ZCCHC14: variants seen among roughly 807,000 people sequenced by gnomAD.
ZCCHC14 encodes zinc finger CCHC domain-containing protein 14.
ZCCHC14 carries 16 observed loss-of-function variants against 85.0 expected under a neutral mutation model. The ratio of observed to expected loss-of-function variants is 0.19; its 90% CI spans 0.13 to 0.29. The LOEUF is 0.29. ZCCHC14 is among the 10% of genes least tolerant of loss of function. ZCCHC14 has a pLI of 1.00. For synonymous variants in ZCCHC14, 775 were observed against 630.7 expected, an observed-to-expected ratio of 1.23 and a Z score of -3.43; for missense variants, 1,303 against 1,443.5, an observed-to-expected ratio of 0.90 and a Z score of 1.58.
At chr16:87,441,390 G>A (rs537145562) in intron 2 of ZCCHC14, among the ~76,000 whole-genome samples, 6 of 152,292 alleles carry the variant, frequency 3.9e-5, no homozygotes, top group African/African-American at 1.4e-4. Flanking sequence ...CTTGGGGTCA[G>A]AAGAAGTATT....
intron 2 of ZCCHC14, among the ~76,000 whole-genome samples, chr16:87,441,771 AC>A (rs1387953063): frequency 6.6e-6 from 1 of 152,190 alleles, no homozygotes; most frequent in East Asian, 1.9e-4. Flanking sequence ...CTTTCCTCTT[AC>A]TTTTTTGGGG....
chr16:87,463,761 T>A (rs939919159), intron 1 of ZCCHC14, among the ~76,000 whole-genome samples: 1 of 152,026 alleles, frequency 6.6e-6, no homozygotes, highest in African/African-American at 2.4e-5. Context: ...AGGTGGAGGT[T>A]GCAGTGAGCT....
At chr16:87,411,313 G>T in intron 12 of ZCCHC14, 1 of 1,450,304 alleles carries the variant, frequency 6.9e-7, no homozygotes, top group Non-Finnish European at 9.2e-7. Flanking sequence ...GAGGCTGTCT[G>T]AAATCATCAT....
intron 3 of ZCCHC14, 73 bp downstream of exon 3, chr16:87,433,055 G>T (rs914924323): frequency 1.3e-6 from 2 of 1,498,680 alleles, no homozygotes; most frequent in African/African-American, 2.8e-5. Flanking sequence ...AGCTAGGAAG[G>T]AAAAGCATCT....
At chr16:87,489,018 C>G (rs1305813723) in intron 1 of ZCCHC14, among the ~76,000 whole-genome samples, 4 of 152,180 alleles carry the variant, frequency 2.6e-5, no homozygotes, top group Non-Finnish European at 5.9e-5. Flanking sequence ...ACAGCTTTAA[C>G]GGGGCTGCTT....
chr16:87,418,423 G>A (rs1057119538), intron 7 of ZCCHC14, among the ~76,000 whole-genome samples: 2 of 152,168 alleles, frequency 1.3e-5, no homozygotes, highest in East Asian at 1.9e-4. Context: ...ATGGGGGTGC[G>A]TGTGCACTGA....
chr16:87,466,664 G>C lies in ZCCHC14; in HGVS notation c.571-6533C>G, dbSNP rs73242708. Among the ~76,000 whole-genome samples, 1,339 of 152,342 alleles carry C rather than the reference G, an allele frequency of 8.8e-3. 21 individuals are homozygous for C. The highest frequency in any genetic ancestry group is 0.03 in the African/African-American group (1,240 of 41,560). Reference sequence around the variant, plus strand: ...CTCACTTCACAGGAGCGCTGAGCATGAAGGAGACTTGAAGACGCTTTCTAC... The same window carrying C: ...CTCACTTCACAGGAGCGCTGAGCATCAAGGAGACTTGAAGACGCTTTCTAC... On this transcript the variant is annotated intron_variant, in intron 1 of 12. Coordinates refer to ENST00000671377, the MANE Select transcript of ZCCHC14 (RefSeq NM_015144.3).
intron 2 of ZCCHC14, among the ~76,000 whole-genome samples, chr16:87,454,061 C>G (rs974138894): frequency 1.3e-5 from 2 of 151,986 alleles, no homozygotes; most frequent in African/African-American, 2.4e-5. Context: ...CTGAAAATGA[C>G]AGAAGGGTAC....
intron 8 of ZCCHC14, 55 bp downstream of exon 8, chr16:87,417,405 G>A: frequency 3.2e-6 from 5 of 1,585,660 alleles, no homozygotes; most frequent in Non-Finnish European, 4.3e-6. Context: ...CCCCCAGGGA[G>A]GTCTTGAGTA....
intron 1 of ZCCHC14, among the ~76,000 whole-genome samples, chr16:87,480,814 T>C (rs1291999061): frequency 2.6e-5 from 4 of 152,218 alleles, no homozygotes; most frequent in Non-Finnish European, 5.9e-5. Flanking sequence ...CTGGTATCTA[T>C]GAACCAATAA....
chr16:87,456,278 C>T (rs2150755311), intron 2 of ZCCHC14, among the ~76,000 whole-genome samples: 1 of 152,166 alleles, frequency 6.6e-6, no homozygotes, highest in South Asian at 2.1e-4. Context: ...CGCCTGTAAT[C>T]CCAGCACTTT....
chr16:87,475,350 G>A (rs966591287), intron 1 of ZCCHC14, among the ~76,000 whole-genome samples: 1 of 152,084 alleles, frequency 6.6e-6, no homozygotes, highest in African/African-American at 2.4e-5. Flanking sequence ...TCAGAAGTTC[G>A]AGACTAGCCT....
chr16:87,433,758 C>T (rs2150738693), intron 2 of ZCCHC14, among the ~76,000 whole-genome samples: 1 of 152,174 alleles, frequency 6.6e-6, no homozygotes, highest in African/African-American at 2.4e-5. Context: ...TCTCGTGCCT[C>T]GGCCTCCCCA....
At chr16:87,431,425 ATCGCG>A (rs1463229224) in intron 3 of ZCCHC14, among the ~76,000 whole-genome samples, 15 of 148,428 alleles carry the variant, frequency 1.0e-4, no homozygotes, top group Non-Finnish European at 1.8e-4. Context: ...GTGAGCCGAG[ATCGCG>A]TCACTGCACT....
intron 2 of ZCCHC14, among the ~76,000 whole-genome samples, chr16:87,454,654 G>T (rs1280079170): frequency 1.3e-5 from 2 of 152,186 alleles, no homozygotes; most frequent in African/African-American, 4.8e-5. Flanking sequence ...GAGACCAGAT[G>T]GAAATTCCAA....
chr16:87,421,774 C>G (rs1909109920), intron 4 of ZCCHC14, among the ~76,000 whole-genome samples: 1 of 152,166 alleles, frequency 6.6e-6, no homozygotes, highest in Non-Finnish European at 1.5e-5. Context: ...CAAGAGAGCC[C>G]AGTGCCAGCT....
rs958816194 is a variant in ZCCHC14, at chr16:87,492,290, G to C, written c.-52C>G. 2.1e-6 allele frequency: 2 copies of C among 934,120 alleles called. No individual in the cohort carries two copies. Among genetic ancestry groups the C allele is most frequent in the Non-Finnish European group, 2.5e-6 (2 of 787,054 alleles). 57.9% of individuals were successfully genotyped at this position (934,120 alleles called of 1,614,324 possible). On this transcript the variant is annotated 5_prime_UTR_variant, in exon 1 of 13. Transcript: ENST00000671377. This position sits in a 1 kb window ranked among gnomAD's most constrained non-coding sequence, Gnocchi z 6.7. The stretch of plus-strand genomic sequence containing the variant: ...CGGGGCCGGGGACCGCGCGGGGGCG[G>C]CCGGGGGGCGCCGGGGGCCGCGGCC...
chr16:87,427,684 T>C (rs1432118483), intron 3 of ZCCHC14, among the ~76,000 whole-genome samples: 1 of 152,060 alleles, frequency 6.6e-6, no homozygotes, highest in Admixed American at 6.5e-5. Flanking sequence ...GTCGCCCAAG[T>C]TGGAGTGCAG....
intron 8 of ZCCHC14, among the ~76,000 whole-genome samples, chr16:87,416,191 G>T (rs1908774511): frequency 6.6e-6 from 1 of 151,980 alleles, no homozygotes; most frequent in Admixed American, 6.5e-5. Flanking sequence ...CTCCCAAAGT[G>T]CTGGGATTAC....
Sources: allele counts gnomAD v4.1 joint callset (sites outside exome capture counted in the v4.1 genomes callset), GRCh38; gene constraint gnomAD v4.1.1; non-coding constraint Gnocchi (gnomAD v3.1); transcripts MANE v1.5; gene names NCBI Gene and HGNC (gene_info 2026-07-23, HGNC 2026-07-21).